The following ARMH3 variants were observed in gnomAD, a reference collection of about 807,000 sequenced individuals.
ARMH3 encodes the protein armadillo-like helical domain-containing protein 3.
ARMH3 carries 60 observed loss-of-function variants against 99.1 expected under a neutral mutation model. The observed-to-expected ratio is 0.61, with a 90% CI of 0.49 to 0.75. The LOEUF is 0.75. Among genes scored for constraint, ARMH3 ranks in the 30% least tolerant of loss-of-function variants. ARMH3 has a pLI of 0.00. For synonymous variants in ARMH3, 285 were observed against 292.8 expected (o/e 0.97, Z 0.27); for missense variants, 679 against 843.1 (o/e 0.81, Z 2.41).
At chr10:101,985,284 G>A (rs115614611) in intron 19 of ARMH3, among the ~76,000 whole-genome samples, 9,166 of 139,300 alleles carry the variant, frequency 0.066, 309 homozygotes, top group Non-Finnish European at 0.073. Flanking sequence ...GTGTATATAC[G>A]TATATACACA....
chr10:102,031,761 A>G (rs2067136077), intron 4 of ARMH3, among the ~76,000 whole-genome samples: 1 of 151,662 alleles, frequency 6.6e-6, no homozygotes, highest in Admixed American at 6.6e-5. Flanking sequence ...TTTTTTTGAG[A>G]CGGAGTCTCG....
chr10:102,011,232 T>C (rs1303999953), intron 11 of ARMH3, among the ~76,000 whole-genome samples: 3 of 152,068 alleles, frequency 2.0e-5, no homozygotes, highest in Admixed American at 6.6e-5. Context: ...ACAGATCTAC[T>C]GCACGATCGC....
intron 23 of ARMH3, among the ~76,000 whole-genome samples, chr10:101,902,099 A>T (rs907267797): frequency 1.3e-5 from 2 of 152,186 alleles, no homozygotes; most frequent in African/African-American, 4.8e-5. Context: ...ATGAATACTT[A>T]TCAATTATCC....
At chr10:101,928,249 G>T (rs754505121) in intron 23 of ARMH3, among the ~76,000 whole-genome samples, 1 of 152,030 alleles carries the variant, frequency 6.6e-6, no homozygotes, top group African/African-American at 2.4e-5. Context: ...GGCTGTTCAC[G>T]TTCTTATAAA....
chr10:101,994,727 TC>T (rs1289504505), intron 16 of ARMH3, among the ~76,000 whole-genome samples: 1 of 152,092 alleles, frequency 6.6e-6, no homozygotes, highest in Non-Finnish European at 1.5e-5. Flanking sequence ...AAACCTGAGC[TC>T]CTTTTTTATT....
rs566342243 is a variant in ARMH3 at position 102,012,983 on chromosome 10, G to A, written c.727-107C>T. The A allele has an allele frequency of 2.9e-5, 27 of 942,910 alleles. No homozygotes were observed. In the East Asian group the frequency reaches 6.7e-4, roughly 23 times the overall value. 58.4% of individuals were successfully genotyped at this position (942,910 alleles called of 1,614,324 possible). A position where few individuals can be genotyped will look rare whatever the true frequency, so the allele number is the denominator to read the frequency against. ...AACACTAATTAGCCCAAGAAGTCCT[G>A]CCTGAAAGTTGGCGACAAGGACAGA... On this transcript the variant is annotated intron_variant, in intron 9 of 25. Coordinates refer to ENST00000370033, the MANE Select transcript of ARMH3 (RefSeq NM_024541.3).
rs1175473592 is a variant in ARMH3 at position 102,029,790 on chromosome 10, G to A, written c.307-45C>T. On this transcript the variant is annotated intron_variant, in intron 4 of 25. Transcript: ENST00000370033. ...AATTCTTTCTGGAGAGGAAGTCTCA[G>A]GGTCTGTAGACCCACATTGCAGCCT... 6 of 1,575,848 alleles carry A rather than the reference G, an allele frequency of 3.8e-6. No homozygotes were observed. The Admixed American group carries it at 6.8e-5, about 18-fold the overall frequency.
At chr10:101,958,078 G>A (rs1391076861) in intron 20 of ARMH3, among the ~76,000 whole-genome samples, 1 of 152,178 alleles carries the variant, frequency 6.6e-6, no homozygotes, top group Non-Finnish European at 1.5e-5. Context: ...CAATTTACAG[G>A]TGAAAATGAG....
intron 20 of ARMH3, among the ~76,000 whole-genome samples, chr10:101,971,095 CAAAAAAAAAAAA>C (rs71472590): frequency 1.2e-4 from 4 of 33,284 alleles, no homozygotes; most frequent in Admixed American, 7.0e-4. Context: ...AGACCGTCTC[CAAAAAAAAAAAA>C]AAAAAAAAAA....
chr10:102,019,797 A>G (rs2066837231), intron 8 of ARMH3, among the ~76,000 whole-genome samples: 2 of 151,754 alleles, frequency 1.3e-5, no homozygotes, highest in South Asian at 4.2e-4. Context: ...GCGTGGTGGC[A>G]GGCACTTGTA....
At chr10:102,006,694 T>C (rs2066497479) in intron 13 of ARMH3, 61 bp from the exon 14 acceptor site, 3 of 1,490,138 alleles carry the variant, frequency 2.0e-6, no homozygotes, top group East Asian at 4.5e-5. Flanking sequence ...GAGTATCAAG[T>C]GCCTAATACC....
chr10:101,866,597 T>C (rs1474039198), intron 24 of ARMH3, among the ~76,000 whole-genome samples: 2 of 152,196 alleles, frequency 1.3e-5, no homozygotes, highest in Non-Finnish European at 2.9e-5. Flanking sequence ...TTATCTTGTA[T>C]TGAAGATGCA....
At chr10:101,893,947 T>C (rs1037403856) in intron 23 of ARMH3, among the ~76,000 whole-genome samples, 2 of 152,170 alleles carry the variant, frequency 1.3e-5, no homozygotes, top group African/African-American at 2.4e-5. Flanking sequence ...TCTGGGAATA[T>C]ATATTTGGAA....
chr10:101,884,663 A>G (rs2067496367), intron 24 of ARMH3, among the ~76,000 whole-genome samples: 1 of 152,218 alleles, frequency 6.6e-6, no homozygotes. Context: ...AGCTAAAACT[A>G]AACTCTTAGA....
intron 23 of ARMH3, among the ~76,000 whole-genome samples, chr10:101,933,079 G>A (rs1564766029): frequency 1.3e-5 from 2 of 152,260 alleles, no homozygotes; most frequent in South Asian, 2.1e-4. Context: ...CCAGCTACTC[G>A]GAAGGCTGAG....
chr10:101,891,286 TC>T (rs2135451790), intron 23 of ARMH3, among the ~76,000 whole-genome samples: 1 of 152,120 alleles, frequency 6.6e-6, no homozygotes, highest in African/African-American at 2.4e-5. Context: ...ACCTCCACCT[TC>T]CGGGTTTAAG....
chr10:101,904,761 G>T (rs909622708), intron 23 of ARMH3, among the ~76,000 whole-genome samples: 1 of 151,956 alleles, frequency 6.6e-6, no homozygotes, highest in Admixed American at 6.6e-5. Flanking sequence ...AGACCAGCCT[G>T]GCCAACATGG....
At position 101,899,847 on chromosome 10, in the gene ARMH3, A is replaced by G. The variant is rs532799755; in HGVS notation, c.1782-10357T>C. On this transcript the variant is annotated intron_variant, in intron 23 of 25. Coordinates refer to ENST00000370033, the MANE Select transcript of ARMH3 (RefSeq NM_024541.3). ...CCATTCTTTTCAGGACCAAAGACAC[A>G]AAAATGGAACCTTAGTTAGTATAAA... Among the ~76,000 whole-genome samples, 3 of 152,314 alleles carry G rather than the reference A, an allele frequency of 2.0e-5. No homozygotes were observed. In the South Asian group the frequency reaches 6.2e-4, roughly 32 times the overall value.
intron 16 of ARMH3, 36 bp from the exon 17 acceptor site, chr10:101,993,639 G>T (rs1425723421): frequency 4.3e-6 from 6 of 1,404,848 alleles, no homozygotes; most frequent in Middle Eastern, 1.8e-4. Context: ...AGAAGCGAGA[G>T]CTATATTTAA....
Sources: gnomAD v4.1 joint callset for allele counts (sites outside exome capture counted in the v4.1 genomes callset) on GRCh38, gnomAD v4.1.1 for gene constraint, MANE v1.5 for transcripts, NCBI Gene and HGNC (gene_info 2026-07-23, HGNC 2026-07-21) for gene names.